Variants in CDH7 observed in about 807,000 individuals in gnomAD.
CDH7 encodes the protein cadherin 7, also known as cadherin-7.
Under a neutral mutation model 71.8 loss-of-function variants are expected in CDH7, and 25 were observed. The observed-to-expected ratio is 0.35, with a 90% CI of 0.25 to 0.49. The LOEUF (loss-of-function observed/expected upper bound fraction) is 0.49. CDH7 is among the 20% of genes least tolerant of loss of function. The probability of loss-of-function intolerance (pLI) is 0.99; values close to 1 mark genes in which losing one functional copy is unlikely to be tolerated. For synonymous variants in CDH7, 381 were observed against 363.8 expected, an observed-to-expected ratio of 1.05 and a Z score of -0.54; for missense variants, 862 against 974.6, an observed-to-expected ratio of 0.88 and a Z score of 1.54.
rs1233970043 is a variant in CDH7, at chr18:65,881,081, G to C, written c.*187G>C. On this transcript the variant is annotated 3_prime_UTR_variant, in exon 12 of 12. Transcript: ENST00000397968. ...GCCTTGGTGAGGCATATCTTCATTA[G>C]ACTTATCTAAAGGACTGCACTGACC... 3 of 590,272 alleles carry C rather than the reference G, an allele frequency of 5.1e-6. No individual in the cohort carries two copies. Among genetic ancestry groups the C allele is most frequent in the African/African-American group, 1.9e-5 (1 of 53,706 alleles). 36.6% of individuals were successfully genotyped at this position (590,272 alleles called of 1,614,324 possible). A position where few individuals can be genotyped will look rare whatever the true frequency, so the allele number is the denominator to read the frequency against.
intron 2 of CDH7, among the ~76,000 whole-genome samples, chr18:65,786,329 A>G (rs1476998192): frequency 6.6e-6 from 1 of 152,138 alleles, no homozygotes; most frequent in African/African-American, 2.4e-5. Context: ...CATAAAATAT[A>G]TGGATTTTAA....
At position 65,888,230 on chromosome 18, in the gene CDH7, G is replaced by GTA. The variant is rs1485282453; in HGVS notation, c.*7339_*7340dup. 5 of 152,128 alleles carry GTA rather than the reference G, an allele frequency of 3.3e-5. No individual in the cohort carries two copies. The allele number at this position is 152,128 out of a possible 1,614,324, so 9.4% of individuals were successfully genotyped here. On this transcript the variant is annotated 3_prime_UTR_variant, in exon 12 of 12. Transcript: ENST00000397968. ...TTTCAGAACTAACCAGCGAAGAGAT[G>GTA]TATACAAAGTGTACTCTGAATTGGA...
At chr18:65,848,414 A>C (rs533922606) in intron 7 of CDH7, among the ~76,000 whole-genome samples, 3 of 152,282 alleles carry the variant, frequency 2.0e-5, no homozygotes, top group East Asian at 3.9e-4. Flanking sequence ...GTTAAACAAT[A>C]TGGGGAAAAA....
At chr18:65,782,456 C>T (rs1910347444) in intron 2 of CDH7, among the ~76,000 whole-genome samples, 1 of 152,044 alleles carries the variant, frequency 6.6e-6, no homozygotes, top group African/African-American at 2.4e-5. Context: ...CCTCACTCAG[C>T]CGGATTTCTA....
At chr18:65,813,576 T>C (rs1911619233) in intron 3 of CDH7, among the ~76,000 whole-genome samples, 2 of 152,130 alleles carry the variant, frequency 1.3e-5, no homozygotes, top group Admixed American at 1.3e-4. Flanking sequence ...CAGGAAATTA[T>C]TTGTAACAAA....
At chr18:65,877,559 ATTT>A (rs1914108362) in intron 11 of CDH7, among the ~76,000 whole-genome samples, 1 of 152,004 alleles carries the variant, frequency 6.6e-6, no homozygotes, top group South Asian at 2.1e-4. Context: ...ATACTCATTC[ATTT>A]CTTACACCCT....
intron 2 of CDH7, among the ~76,000 whole-genome samples, chr18:65,807,383 A>T (rs184304536): frequency 1.1e-4 from 17 of 152,294 alleles, no homozygotes; most frequent in African/African-American, 3.8e-4. Context: ...ATGCCAGGAA[A>T]ACAGTGATCA....
At chr18:65,830,840 G>A (rs1383844639) in intron 6 of CDH7, among the ~76,000 whole-genome samples, 1 of 150,028 alleles carries the variant, frequency 6.7e-6, no homozygotes, top group South Asian at 2.1e-4. Context: ...GATAGCTCTT[G>A]GCTGTTTATT....
intron 3 of CDH7, among the ~76,000 whole-genome samples, chr18:65,810,873 G>C (rs59414893): frequency 0.012 from 1,784 of 152,190 alleles, 36 homozygotes; most frequent in African/African-American, 0.041. Flanking sequence ...AAACATGAAG[G>C]CTTTTTTATT....
In CDH7 at chr18:65,887,549, A is replaced by T. The variant is rs931990911; in HGVS notation, c.*6655A>T. ...AAAAGGAAAAATAAGTCACTACACA[A>T]CTTATATATATTATGTATTTGTCTT... On this transcript the variant is annotated 3_prime_UTR_variant, in exon 12 of 12. Coordinates refer to ENST00000397968, the MANE Select transcript of CDH7 (RefSeq NM_004361.5). The T allele has an allele frequency of 6.6e-6, 1 of 152,078 alleles. No individual in the cohort carries two copies. Among genetic ancestry groups the T allele is most frequent in the Non-Finnish European group, 1.5e-5 (1 of 68,012 alleles). The allele number at this position is 152,078 out of a possible 1,614,324, so 9.4% of individuals were successfully genotyped here.
Position 65,762,781 on chromosome 18 carries a change from A to G in CDH7, c.-62A>G. On this transcript the variant is annotated 5_prime_UTR_variant, in exon 2 of 12. Coordinates refer to ENST00000397968, the MANE Select transcript of CDH7 (RefSeq NM_004361.5). ...GGCAAGAGCTACTAAGCCAACTGGA[A>G]CTGTGCCTTTTCTCTTGTCAAGGTT... is the stretch of plus-strand genomic sequence containing the variant. 1 of 1,435,720 alleles carries G rather than the reference A, an allele frequency of 7.0e-7. No individual in the cohort carries two copies. The highest frequency in any genetic ancestry group is 9.5e-7 in the Non-Finnish European group (1 of 1,048,966). The allele number at this position is 1,435,720 out of a possible 1,614,324, so 88.9% of individuals were successfully genotyped here.
chr18:65,849,328 T>G (rs553916431), intron 7 of CDH7, among the ~76,000 whole-genome samples: 14 of 127,704 alleles, frequency 1.1e-4, no homozygotes, highest in Admixed American at 7.4e-4. Flanking sequence ...CTAATTTATT[T>G]TAGCCTTTCC....
At chr18:65,844,837 T>C (rs1210510263) in intron 7 of CDH7, among the ~76,000 whole-genome samples, 3 of 152,180 alleles carry the variant, frequency 2.0e-5, no homozygotes, top group East Asian at 1.9e-4. Context: ...TTATATGTCT[T>C]ATTTGGGTTT....
intron 5 of CDH7, 94 bp from the exon 6 acceptor site, chr18:65,824,550 A>T (rs1050276358): frequency 1.3e-5 from 9 of 705,670 alleles, no homozygotes; most frequent in African/African-American, 1.8e-5. Flanking sequence ...AATAAAAAGA[A>T]GTTGTGCTAC....
rs1464828567 is a variant in CDH7, at chr18:65,862,858, C to G, written c.1805C>G (p.Pro602Arg). 1 of 1,614,106 alleles carries G rather than the reference C, an allele frequency of 6.2e-7. No individual in the cohort carries two copies. Among genetic ancestry groups the G allele is most frequent in the South Asian group, 1.1e-5 (1 of 91,084 alleles). ...QTCNAEAYVL[P>R]AGLSTGALIA... ...TGCAATGCAGAGGCCTATGTCCTAC[C>G]TGCTGGCCTCAGTACAGGAGCCCTG... is the stretch of plus-strand genomic sequence containing the variant. The change falls in exon 11 of 12, where the codon CCT becomes CGT. Residue 602 changes from proline (P) to arginine (R), a missense_variant. Physicochemically the swap from Pro to Arg is moderately radical, Grantham distance 103. Transcript: ENST00000397968.
chr18:65,811,521 C>G (rs1911534142), intron 3 of CDH7, among the ~76,000 whole-genome samples: 1 of 152,194 alleles, frequency 6.6e-6, no homozygotes, highest in Non-Finnish European at 1.5e-5. Flanking sequence ...TGTATTCACA[C>G]TTCCTCACTA....
At chr18:65,826,654 A>G (rs1912142298) in intron 6 of CDH7, among the ~76,000 whole-genome samples, 1 of 151,522 alleles carries the variant, frequency 6.6e-6, no homozygotes, top group Non-Finnish European at 1.5e-5. Context: ...TCTTACCTTC[A>G]CTGCTTTTTC....
At chr18:65,809,645 A>G (rs1284440029) in intron 2 of CDH7, 59 bp from the exon 3 acceptor site, 28 of 1,361,588 alleles carry the variant, frequency 2.1e-5, no homozygotes, top group Non-Finnish European at 2.9e-5. Flanking sequence ...ATTTTTACAT[A>G]TCTCCATATC....
chr18:65,781,036 C>G (rs1910165990), intron 2 of CDH7, among the ~76,000 whole-genome samples: 1 of 148,550 alleles, frequency 6.7e-6, no homozygotes, highest in African/African-American at 2.5e-5. Flanking sequence ...TGTTCTTCAT[C>G]AATACTCTTC....
Sources: allele counts gnomAD v4.1 joint callset (sites outside exome capture counted in the v4.1 genomes callset), GRCh38; gene constraint gnomAD v4.1.1; transcripts MANE v1.5; gene names NCBI Gene and HGNC (gene_info 2026-07-23, HGNC 2026-07-21).